Variants in PCLO observed in about 807,000 individuals in gnomAD.
PCLO encodes piccolo presynaptic cytomatrix protein.
Under a neutral mutation model 427.5 loss-of-function variants are expected in PCLO, and 82 were observed. That is an observed-to-expected ratio of 0.19 (90% confidence interval 0.16 to 0.23). The LOEUF is 0.23. Ranked by LOEUF, PCLO falls within the 10% of genes least tolerant of loss-of-function variation. The pLI, the probability that PCLO is intolerant of heterozygous loss-of-function variation, is 1.00. For synonymous variants in PCLO, 2,357 were observed against 2,155.4 expected, an observed-to-expected ratio of 1.09 and a Z score of -2.59; for missense variants, 6,239 against 6,115.9, an observed-to-expected ratio of 1.02 and a Z score of -0.67.
Position 82,892,381 on chromosome 7 carries a change from A to C in PCLO, c.13528+10270T>G, listed in dbSNP as rs373175524. Among the ~76,000 whole-genome samples the C allele has an allele frequency of 5.3e-5, 8 of 152,304 alleles. No homozygotes were observed. The South Asian group carries it at 8.3e-4, about 16-fold the overall frequency. On this transcript the variant is annotated intron_variant, in intron 9 of 24. Transcript: ENST00000333891. ...GGAAAACTGGCTAGCCATATGTAGA[A>C]AGCTGAAACTGGATCCCTTCCTTAC...
chr7:82,942,341 C>T (rs551591172), intron 6 of PCLO, among the ~76,000 whole-genome samples: 248 of 152,248 alleles, frequency 1.6e-3, no homozygotes, highest in Non-Finnish European at 2.7e-3. Flanking sequence ...TTTAGTTTTA[C>T]GCTTTTGGCA....
In PCLO at chr7:83,162,357, G is replaced by A; in HGVS notation, c.236C>T (p.Pro79Leu). ...GSVPPAAAES[P>L]SMHRKQELDS... is the part of the protein sequence containing the mutation. ...ATGCTGTGCATGCCTGTGCATGGAAGGCGACTCCGCAGCGGCCGGGGGGAC... is the reference window on the plus strand; with the variant it reads ...ATGCTGTGCATGCCTGTGCATGGAAAGCGACTCCGCAGCGGCCGGGGGGAC... Residue 79 changes from proline (P) to leucine (L), a missense_variant, in exon 1 of 25, where the codon CCT becomes CTT. Around this residue, in one of 5 missense-constraint regions of PCLO, gnomAD observed 4,677 missense variants for 4,468.4 expected, o/e 1.05. Coordinates refer to ENST00000333891, the MANE Select transcript of PCLO (RefSeq NM_033026.6). The A allele has an allele frequency of 1.2e-6, 2 of 1,600,054 alleles. No homozygotes were observed. Among genetic ancestry groups the A allele is most frequent in the African/African-American group, 1.3e-5 (1 of 74,890 alleles).
intron 13 of PCLO, among the ~76,000 whole-genome samples, chr7:82,844,136 CAT>C (rs1392615607): frequency 1.3e-5 from 2 of 151,916 alleles, no homozygotes; most frequent in Admixed American, 6.6e-5. Flanking sequence ...ATTTTTATAA[CAT>C]AGAAACATCT....
In PCLO at chr7:83,025,988, C is replaced by T. The variant is rs1389149387; in HGVS notation, c.3301-59501G>A. Among the ~76,000 whole-genome samples, 9 of 152,024 alleles carry T rather than the reference C, an allele frequency of 5.9e-5. No homozygotes were observed. The East Asian group carries it at 9.7e-4, about 16-fold the overall frequency. ...ATGGAAAGGAACAACCGGTACCAGC[C>T]GCGGCAAAATCATGCCAAAATGTAA... On this transcript the variant is annotated intron_variant, in intron 3 of 24. Coordinates refer to ENST00000333891, the MANE Select transcript of PCLO (RefSeq NM_033026.6).
chr7:82,768,261 A>G (rs1465426538), intron 22 of PCLO, among the ~76,000 whole-genome samples: 1 of 152,084 alleles, frequency 6.6e-6, no homozygotes, highest in Non-Finnish European at 1.5e-5. Context: ...CGTCTTTACT[A>G]AAAATACAAA....
intron 20 of PCLO, 34 bp downstream of exon 20, chr7:82,822,461 C>G: frequency 6.2e-7 from 1 of 1,613,338 alleles, no homozygotes; most frequent in Non-Finnish European, 8.5e-7. Context: ...GAACATTAAG[C>G]TGCCATGCTG....
chr7:83,034,871 A>T (rs1462606386), intron 3 of PCLO, among the ~76,000 whole-genome samples: 3 of 152,204 alleles, frequency 2.0e-5, no homozygotes, highest in African/African-American at 2.4e-5. Flanking sequence ...AGTGACTCCT[A>T]AGTAAGACCT....
chr7:83,003,007 T>C (rs1233694631), intron 3 of PCLO, among the ~76,000 whole-genome samples: 1 of 151,642 alleles, frequency 6.6e-6, no homozygotes, highest in Non-Finnish European at 1.5e-5. Context: ...TTATTTTTCC[T>C]TGCCATATAC....
At chr7:82,991,239 G>A (rs535151196) in intron 3 of PCLO, among the ~76,000 whole-genome samples, 2 of 151,896 alleles carry the variant, frequency 1.3e-5, no homozygotes, top group Admixed American at 6.6e-5. Context: ...TATCTGTGTT[G>A]TTACCACATC....
intron 3 of PCLO, among the ~76,000 whole-genome samples, chr7:83,080,262 G>A (rs1252414592): frequency 6.6e-6 from 1 of 152,062 alleles, no homozygotes; most frequent in Non-Finnish European, 1.5e-5. Context: ...GGGTCAAATG[G>A]AATTTCTGGT....
intron 3 of PCLO, among the ~76,000 whole-genome samples, chr7:83,076,170 T>A (rs771060376): frequency 1.3e-4 from 19 of 151,780 alleles, no homozygotes; most frequent in Non-Finnish European, 2.6e-4. Context: ...CTATAACAGT[T>A]CATATTGAAA....
At chr7:82,832,550 G>A (rs1043963598) in intron 16 of PCLO, among the ~76,000 whole-genome samples, 16 of 151,622 alleles carry the variant, frequency 1.1e-4, no homozygotes, top group Admixed American at 6.6e-5. Flanking sequence ...TGTTTTTATT[G>A]GTCATTTTGT....
rs1445034544 is a variant in PCLO at position 82,758,811 on chromosome 7, C to T, written c.15289-96G>A. The T allele has an allele frequency of 1.3e-5, 9 of 711,870 alleles. No individual in the cohort carries two copies. The Admixed American group carries it at 1.4e-4, about 11-fold the overall frequency. The allele number at this position is 711,870 out of a possible 1,614,324, so 44.1% of individuals were successfully genotyped here. The stretch of plus-strand genomic sequence containing the variant: ...TTTAAGGACATTTAATCATCAAAGA[C>T]ATAGCACGAAAGAGGGTGACGCTGA... On this transcript the variant is annotated intron_variant, in intron 24 of 24. Transcript: ENST00000333891.
intron 10 of PCLO, among the ~76,000 whole-genome samples, chr7:82,864,263 A>G (rs1040079357): frequency 6.6e-6 from 1 of 152,184 alleles, no homozygotes; most frequent in East Asian, 1.9e-4. Context: ...TAAGTGCCAA[A>G]GAGAATACTA....
At chr7:82,951,766 T>A in intron 5 of PCLO, 90 bp downstream of exon 5, 1 of 1,490,004 alleles carries the variant, frequency 6.7e-7, no homozygotes. Context: ...GTAACAAAAC[T>A]GGAAAAGAAG....
chr7:82,833,470 T>C (rs538941672), intron 16 of PCLO, among the ~76,000 whole-genome samples: 1 of 152,166 alleles, frequency 6.6e-6, no homozygotes, highest in East Asian at 1.9e-4. Flanking sequence ...GCCTGACATT[T>C]TGCCCCTCAA....
At chr7:83,059,667 T>A (rs1473057118) in intron 3 of PCLO, among the ~76,000 whole-genome samples, 1 of 152,006 alleles carries the variant, frequency 6.6e-6, no homozygotes, top group Non-Finnish European at 1.5e-5. Flanking sequence ...AATCATGGGA[T>A]CCATTCAGCT....
At chr7:82,895,951 A>AT (rs1793893834) in intron 9 of PCLO, among the ~76,000 whole-genome samples, 4 of 151,898 alleles carry the variant, frequency 2.6e-5, no homozygotes, top group Non-Finnish European at 5.9e-5. Flanking sequence ...TTCCCAACAC[A>AT]TTCTACATGG....
At chr7:82,774,637 G>A (rs1326939031) in intron 22 of PCLO, among the ~76,000 whole-genome samples, 1 of 152,138 alleles carries the variant, frequency 6.6e-6, no homozygotes, top group Non-Finnish European at 1.5e-5. Context: ...AAGGTACAGA[G>A]ATCTCCTGTA....
Sources: gnomAD v4.1 joint callset for allele counts (sites outside exome capture counted in the v4.1 genomes callset) on GRCh38, gnomAD v4.1.1 for gene constraint, gnomAD v4.1.1 regional missense constraint, MANE v1.5 for transcripts, NCBI Gene and HGNC (gene_info 2026-07-23, HGNC 2026-07-21) for gene names.